The following HDAC2 variants were observed in gnomAD, a reference collection of about 807,000 sequenced individuals.
HDAC2 encodes the protein histone deacetylase 2.
In HDAC2, 5 loss-of-function variants were observed where a neutral mutation model predicts 68.5. The ratio of observed to expected loss-of-function variants is 0.07; its 90% CI spans 0.04 to 0.15. HDAC2 has a LOEUF of 0.15. Ranked by LOEUF, HDAC2 falls within the 10% of genes least tolerant of loss-of-function variation. The probability of loss-of-function intolerance (pLI) is 1.00; values close to 1 mark genes in which losing one functional copy is unlikely to be tolerated. For synonymous variants in HDAC2, 182 were observed against 191.3 expected (o/e 0.95, Z 0.40); for missense variants, 291 against 600.8 (o/e 0.48, Z 5.39).
In HDAC2 at chr6:113,949,037, C is replaced by T; in HGVS notation, c.783G>A (p.Gln261=). 6.2e-7 allele frequency: 1 copy of T among 1,614,062 alleles called. No homozygotes were observed. ...CACCAGATAATGAGTCTGCACCACA[C>T]TGTAATACCACAGCACTAGGTTGAT... The part of the protein sequence containing the change: ...EMYQPSAVVL[Q]CGADSLSGDR... The change falls in exon 8 of 14, where the codon CAG becomes CAA. Residue 261 remains glutamine (Q), a synonymous_variant. Coordinates refer to ENST00000519065, the MANE Select transcript of HDAC2 (RefSeq NM_001527.4).
intron 8 of HDAC2, chr6:113,948,040 A>G (rs1355158569): frequency 6.6e-6 from 1 of 152,210 alleles, no homozygotes; most frequent in Non-Finnish European, 1.5e-5. Flanking sequence ...ATACATTATA[A>G]TATCTTATTA....
rs1775948124 is a variant in HDAC2 at position 113,934,116 on chromosome 6, G to A, written c.*6942C>T. 6.6e-6 allele frequency: 1 copy of A among 151,904 alleles called. No individual in the cohort carries two copies. Among genetic ancestry groups the A allele is most frequent in the Non-Finnish European group, 1.5e-5 (1 of 67,990 alleles). The allele number at this position is 151,904 out of a possible 1,614,324, so 9.4% of individuals were successfully genotyped here. On this transcript the variant is annotated 3_prime_UTR_variant, in exon 14 of 14. Coordinates refer to ENST00000519065, the MANE Select transcript of HDAC2 (RefSeq NM_001527.4). ...TAAGCCTATCCTATTCAACAACCAA[G>A]AAATAGATTTCATACCTATTACACA...
chr6:113,955,223 T>A (rs1776523739), intron 5 of HDAC2, among the ~76,000 whole-genome samples: 1 of 151,950 alleles, frequency 6.6e-6, no homozygotes, highest in Non-Finnish European at 1.5e-5. Context: ...CTAATTCTTT[T>A]TTTTTTTTGA....
intron 5 of HDAC2, among the ~76,000 whole-genome samples, chr6:113,954,782 C>CA (rs1367073344): frequency 1.3e-5 from 2 of 152,056 alleles, no homozygotes; most frequent in African/African-American, 2.4e-5. Context: ...TAACTACAAG[C>CA]AAAAAACACT....
rs967065015 is a variant in HDAC2, at chr6:113,934,390, G to A, written c.*6668C>T. ...TGAAGCACAGAAATTTAAATGACTT[G>A]CCCAAAGCAAAGTTGTGTAATGTAA... On this transcript the variant is annotated 3_prime_UTR_variant, in exon 14 of 14. Transcript: ENST00000519065. 8 of 152,222 alleles carry A rather than the reference G, an allele frequency of 5.3e-5. No homozygotes were observed. Among genetic ancestry groups the A allele is most frequent in the African/African-American group, 1.9e-4 (8 of 41,454 alleles). The allele number at this position is 152,222 out of a possible 1,614,324, so 9.4% of individuals were successfully genotyped here.
intron 1 of HDAC2, among the ~76,000 whole-genome samples, chr6:113,963,413 G>T (rs911136841): frequency 6.6e-6 from 1 of 152,128 alleles, no homozygotes; most frequent in Non-Finnish European, 1.5e-5. Context: ...AAAAGGCTAA[G>T]AAGTTTTAAG....
At chr6:113,943,858 A>C (rs1246460942) in intron 11 of HDAC2, among the ~76,000 whole-genome samples, 1 of 151,906 alleles carries the variant, frequency 6.6e-6, no homozygotes, top group Non-Finnish European at 1.5e-5. Flanking sequence ...GGTGAAGTAG[A>C]CCAAAAAAAA....
In HDAC2 at chr6:113,939,183, C is replaced by G. The variant is rs987738801; in HGVS notation, c.*1875G>C. On this transcript the variant is annotated 3_prime_UTR_variant, in exon 14 of 14. Coordinates refer to ENST00000519065, the MANE Select transcript of HDAC2 (RefSeq NM_001527.4). Reference sequence around the variant, plus strand: ...TCTCATAGGTGACTCTACCACAGCCCCTGTTGTCCTGTGAGCTGCAGGCAC... The same window carrying G: ...TCTCATAGGTGACTCTACCACAGCCGCTGTTGTCCTGTGAGCTGCAGGCAC... The G allele has an allele frequency of 6.6e-6, 1 of 152,356 alleles. No individual in the cohort carries two copies. The highest frequency in any genetic ancestry group is 2.4e-5 in the African/African-American group (1 of 41,414). The allele number at this position is 152,356 out of a possible 1,614,324, so 9.4% of individuals were successfully genotyped here. A position where few individuals can be genotyped will look rare whatever the true frequency, so the allele number is the denominator to read the frequency against.
At chr6:113,945,052 G>C (rs1776236862) in intron 10 of HDAC2, among the ~76,000 whole-genome samples, 2 of 151,902 alleles carry the variant, frequency 1.3e-5, no homozygotes, top group Admixed American at 6.6e-5. Flanking sequence ...ATTAACTGAA[G>C]AAATTAAATG....
chr6:113,943,364 CTCTGTT>C lies in HDAC2; in HGVS notation c.1359_1364del (p.Thr454_Glu455del). 1 of 1,592,250 alleles carries C rather than the reference CTCTGTT, an allele frequency of 6.3e-7. No individual in the cohort carries two copies. Among genetic ancestry groups the C allele is most frequent in the Non-Finnish European group, 8.5e-7 (1 of 1,173,616 alleles). On this transcript the variant is annotated inframe_deletion, in exon 12 of 14. Coordinates refer to ENST00000519065, the MANE Select transcript of HDAC2 (RefSeq NM_001527.4). ...AACAAATCTGACCTGTTTTTTTGTC[CTCTGTT>C]TCTTTCTTATCTTCTTCAATTCTAG...
intron 1 of HDAC2, chr6:113,970,616 G>T: frequency 7.5e-7 from 1 of 1,329,070 alleles, no homozygotes; most frequent in Non-Finnish European, 9.6e-7. Flanking sequence ...CACGGCCGAA[G>T]GGGGAGAGGC....
At chr6:113,969,312 A>G (rs1007971809) in intron 1 of HDAC2, among the ~76,000 whole-genome samples, 3 of 152,228 alleles carry the variant, frequency 2.0e-5, no homozygotes, top group African/African-American at 7.2e-5. Flanking sequence ...GTTCTGTAAG[A>G]TTTCAGATTT....
intron 13 of HDAC2, 106 bp downstream of exon 13, chr6:113,941,602 A>T: frequency 4.4e-6 from 2 of 449,460 alleles, no homozygotes; most frequent in Non-Finnish European, 7.9e-6. Flanking sequence ...ATGATGTTCT[A>T]AGGTTCAGTC....
rs1195684802 is a variant in HDAC2 at position 113,937,021 on chromosome 6, C to T, written c.*4037G>A. On this transcript the variant is annotated 3_prime_UTR_variant, in exon 14 of 14. Transcript: ENST00000519065. ...AAAAGAAAAAAAAATAGCAGCTAAC[C>T]CTTACTGAGCATTAACTATGTTATT... 1 of 151,928 alleles carries T rather than the reference C, an allele frequency of 6.6e-6. No individual in the cohort carries two copies. The highest frequency in any genetic ancestry group is 1.5e-5 in the Non-Finnish European group (1 of 67,982). The allele number at this position is 151,928 out of a possible 1,614,324, so 9.4% of individuals were successfully genotyped here. A position where few individuals can be genotyped will look rare whatever the true frequency, so the allele number is the denominator to read the frequency against.
At chr6:113,949,399 A>G in intron 6 of HDAC2, 139 bp from the exon 7 acceptor site, 2 of 627,572 alleles carry the variant, frequency 3.2e-6, no homozygotes, top group Non-Finnish European at 5.7e-6. Context: ...TGAGACCGGA[A>G]CAATCAAACT....
At chr6:113,962,963 CAA>C (rs796684838) in intron 1 of HDAC2, among the ~76,000 whole-genome samples, 52 of 62,604 alleles carry the variant, frequency 8.3e-4, no homozygotes, top group South Asian at 6.1e-3. Flanking sequence ...GACTCTGTAT[CAA>C]AAAAAAAAAA....
At chr6:113,962,392 A>C (rs1473136890) in intron 1 of HDAC2, 2 of 899,692 alleles carry the variant, frequency 2.2e-6, no homozygotes, top group African/African-American at 3.6e-5. Flanking sequence ...GGCAGGGTGA[A>C]GGCTGAAAAA....
chr6:113,966,298 C>T (rs370664329), intron 1 of HDAC2, among the ~76,000 whole-genome samples: 2 of 152,114 alleles, frequency 1.3e-5, no homozygotes, highest in African/African-American at 4.8e-5. Flanking sequence ...GCCTGTAATC[C>T]CAGCACTTAG....
At chr6:113,966,279 G>C (rs561974712) in intron 1 of HDAC2, among the ~76,000 whole-genome samples, 2 of 152,322 alleles carry the variant, frequency 1.3e-5, no homozygotes, top group Admixed American at 1.3e-4. Context: ...GCCAGGCACA[G>C]TGGCTCACGC....
Sources: allele counts gnomAD v4.1 joint callset (sites outside exome capture counted in the v4.1 genomes callset), GRCh38; gene constraint gnomAD v4.1.1; transcripts MANE v1.5; gene names NCBI Gene and HGNC (gene_info 2026-07-23, HGNC 2026-07-21).